Variants in TAF2 observed in about 807,000 individuals in gnomAD.
TAF2 encodes TATA-box binding protein associated factor 2.
TAF2 carries 61 observed loss-of-function variants against 138.5 expected under a neutral mutation model. The ratio of observed to expected loss-of-function variants is 0.44; its 90% CI spans 0.36 to 0.54. TAF2 has a LOEUF of 0.54. Among genes scored for constraint, TAF2 ranks in the 20% least tolerant of loss-of-function variants. The pLI is 0.00. For synonymous variants in TAF2, 475 were observed against 469.9 expected, an observed-to-expected ratio of 1.01 and a Z score of -0.14; for missense variants, 1,090 against 1,427.9, an observed-to-expected ratio of 0.76 and a Z score of 3.81.
intron 20 of TAF2, 45 bp downstream of exon 20, chr8:119,760,554 T>C (rs1424972435): frequency 1.9e-6 from 3 of 1,601,890 alleles, no homozygotes; most frequent in Non-Finnish European, 8.5e-7. Context: ...AAAAAGTAAA[T>C]AGTTCTTTCT....
intron 25 of TAF2, among the ~76,000 whole-genome samples, chr8:119,740,491 TAAAAAAAAAA>T: frequency 1.2e-5 from 1 of 86,918 alleles, no homozygotes; most frequent in Middle Eastern, 6.8e-3. Context: ...CTGTCTCTAC[TAAAAAAAAAA>T]AAAAAAAAAA....
intron 24 of TAF2, among the ~76,000 whole-genome samples, chr8:119,742,898 G>A (rs991027860): frequency 3.3e-5 from 5 of 151,642 alleles, no homozygotes; most frequent in Non-Finnish European, 5.9e-5. Context: ...CCTAGACCCC[G>A]TCTCTACTAA....
intron 25 of TAF2, among the ~76,000 whole-genome samples, chr8:119,734,280 A>G (rs1435440703): frequency 6.6e-6 from 1 of 152,172 alleles, no homozygotes; most frequent in Non-Finnish European, 1.5e-5. Context: ...TATTATATAT[A>G]TTAATCCAAA....
At chr8:119,814,676 G>A (rs1460225104) in intron 3 of TAF2, among the ~76,000 whole-genome samples, 2 of 143,892 alleles carry the variant, frequency 1.4e-5, no homozygotes, top group Non-Finnish European at 3.0e-5. Flanking sequence ...GGCGGATCAC[G>A]AGGTCAGGAG....
At chr8:119,800,186 G>A (rs1824154848) in intron 6 of TAF2, among the ~76,000 whole-genome samples, 1 of 152,140 alleles carries the variant, frequency 6.6e-6, no homozygotes, top group Non-Finnish European at 1.5e-5. Context: ...TGTTGCCATT[G>A]CTTTTGGTGT....
chr8:119,740,274 CA>C (rs955311415), intron 25 of TAF2, among the ~76,000 whole-genome samples: 1 of 152,078 alleles, frequency 6.6e-6, no homozygotes, highest in African/African-American at 2.4e-5. Flanking sequence ...TTGATACACA[CA>C]AGGGCTAGGT....
At chr8:119,791,064 G>C (rs954957072) in intron 11 of TAF2, among the ~76,000 whole-genome samples, 2 of 152,114 alleles carry the variant, frequency 1.3e-5, no homozygotes, top group African/African-American at 4.8e-5. Context: ...GCCTCCCAAA[G>C]TGCTGGGATT....
At chr8:119,741,631 C>T (rs551399490) in intron 25 of TAF2, among the ~76,000 whole-genome samples, 7 of 152,232 alleles carry the variant, frequency 4.6e-5, no homozygotes, top group African/African-American at 1.7e-4. Context: ...TGTTTGAAGT[C>T]CCCTGTTAAT....
chr8:119,751,233 T>C (rs1026207095), intron 22 of TAF2, among the ~76,000 whole-genome samples: 2 of 152,180 alleles, frequency 1.3e-5, no homozygotes, highest in African/African-American at 4.8e-5. Flanking sequence ...AGGAAAATTA[T>C]TTCTTTCAGT....
chr8:119,753,431 A>C (rs554152775), intron 22 of TAF2, among the ~76,000 whole-genome samples: 115 of 152,270 alleles, frequency 7.6e-4, no homozygotes, highest in Middle Eastern at 3.4e-3. Flanking sequence ...TTCGGTATCT[A>C]TTGTCCAATG....
At chr8:119,829,358 A>G (rs1749803654) in intron 2 of TAF2, among the ~76,000 whole-genome samples, 1 of 152,174 alleles carries the variant, frequency 6.6e-6, no homozygotes, top group Non-Finnish European at 1.5e-5. Flanking sequence ...AAGGTGACCC[A>G]TTCCATGGCT....
At chr8:119,773,687 A>G (rs1309194866) in intron 18 of TAF2, among the ~76,000 whole-genome samples, 1 of 151,466 alleles carries the variant, frequency 6.6e-6, no homozygotes, top group Non-Finnish European at 1.5e-5. Context: ...CCCTCTCTAT[A>G]TATAGATTCT....
At chr8:119,815,108 C>T (rs962413490) in intron 3 of TAF2, among the ~76,000 whole-genome samples, 6 of 149,772 alleles carry the variant, frequency 4.0e-5, no homozygotes, top group African/African-American at 1.5e-4. Flanking sequence ...ATGGTGAAAC[C>T]CTGTCTCTAC....
At chr8:119,737,210 C>G (rs993738548) in intron 25 of TAF2, among the ~76,000 whole-genome samples, 4 of 152,162 alleles carry the variant, frequency 2.6e-5, no homozygotes, top group Non-Finnish European at 5.9e-5. Flanking sequence ...GAAACTTAAA[C>G]AGTGACTGGA....
chr8:119,783,018 C>A (rs942791316), intron 16 of TAF2, among the ~76,000 whole-genome samples: 30 of 152,150 alleles, frequency 2.0e-4, no homozygotes, highest in Non-Finnish European at 3.8e-4. Flanking sequence ...GACACACACA[C>A]ACACACACAC....
Position 119,762,592 on chromosome 8 carries a change from T to C in TAF2, c.2381A>G (p.Tyr794Cys). ...CAGGGCATCAATCATTTCTGCACGA[T>C]AATAGTTATCTGAAAACTAGGCCAA... is the stretch of plus-strand genomic sequence containing the variant. ...NRKNKFSDNY[Y>C]RAEMIDALAN... The change falls in exon 19 of 26, where the codon TAT becomes TGT. Residue 794 changes from tyrosine (Y) to cysteine (C), a missense_variant. Around this residue, in one of 3 missense-constraint regions of TAF2, gnomAD observed 580 missense variants for 719.6 expected, o/e 0.81. Transcript: ENST00000378164. The C allele has an allele frequency of 6.2e-7, 1 of 1,612,508 alleles. No homozygotes were observed. The highest frequency in any genetic ancestry group is 1.3e-5 in the African/African-American group (1 of 75,024).
At chr8:119,774,393 C>A (rs1822071302) in intron 18 of TAF2, among the ~76,000 whole-genome samples, 2 of 151,198 alleles carry the variant, frequency 1.3e-5, no homozygotes, top group South Asian at 4.2e-4. Context: ...CACACAAAGA[C>A]TATCTACACC....
At chr8:119,775,333 GTAATTCAAAAAA>G (rs1392230699) in intron 18 of TAF2, among the ~76,000 whole-genome samples, 2 of 149,970 alleles carry the variant, frequency 1.3e-5, no homozygotes, top group East Asian at 3.9e-4. Flanking sequence ...GCATCAGAGA[GTAATTCAAAAAA>G]TAATAGTAAT....
At chr8:119,804,602 A>C (rs924692070) in intron 4 of TAF2, among the ~76,000 whole-genome samples, 1 of 152,226 alleles carries the variant, frequency 6.6e-6, no homozygotes, top group African/African-American at 2.4e-5. Flanking sequence ...AGCCATCTGC[A>C]TAAGACATGA....
Sources: allele counts gnomAD v4.1 joint callset (sites outside exome capture counted in the v4.1 genomes callset), GRCh38; gene constraint gnomAD v4.1.1; regional missense constraint gnomAD v4.1.1; transcripts MANE v1.5; gene names NCBI Gene and HGNC (gene_info 2026-07-23, HGNC 2026-07-21).